The following CTSE variants were observed in gnomAD, a reference collection of about 807,000 sequenced individuals.
The protein encoded by CTSE is cathepsin E, also known as erythrocyte membrane aspartic proteinase.
CTSE carries 43 observed loss-of-function variants against 42.8 expected under a neutral mutation model. That is an observed-to-expected ratio of 1.01 (90% CI 0.79 to 1.30). CTSE has a LOEUF of 1.30. CTSE is among the 50% of genes most tolerant of loss of function. CTSE has a pLI of 0.00. For synonymous variants in CTSE, 205 were observed against 191.5 expected, an observed-to-expected ratio of 1.07 and a Z score of -0.58; for missense variants, 532 against 493.5, an observed-to-expected ratio of 1.08 and a Z score of -0.74.
At chr1:206,014,745 A>G (rs1358095637) in intron 5 of CTSE, among the ~76,000 whole-genome samples, 2 of 152,060 alleles carry the variant, frequency 1.3e-5, no homozygotes, top group Admixed American at 6.6e-5. Context: ...CCAAGCCTTG[A>G]TATTCTCCAT....
chr1:206,012,435 G>C, intron 7 of CTSE, 29 bp from the exon 8 acceptor site: 1 of 1,613,752 alleles, frequency 6.2e-7, no homozygotes, highest in Non-Finnish European at 8.5e-7. Context: ...GATCCGTTTA[G>C]AGCCTTGCCA....
chr1:206,022,398 G>A, intron 2 of CTSE, 131 bp from the exon 3 acceptor site: 1 of 612,066 alleles, frequency 1.6e-6, no homozygotes, highest in Non-Finnish European at 2.9e-6. Flanking sequence ...ACAGAGCCTA[G>A]GAAGTGGCAA....
chr1:206,022,851 C>T, intron 2 of CTSE, 50 bp downstream of exon 2: 1 of 1,501,774 alleles, frequency 6.7e-7, no homozygotes. Context: ...TAATGCTGGG[C>T]CTTCCTCCCG....
chr1:206,020,806 T>G (rs1157107467), intron 4 of CTSE, among the ~76,000 whole-genome samples: 1 of 152,036 alleles, frequency 6.6e-6, no homozygotes, highest in African/African-American at 2.4e-5. Flanking sequence ...CACCAGGCTT[T>G]GTGCACTGGG....
chr1:206,021,329 AC>A (rs1661415582), intron 3 of CTSE, 162 bp from the exon 4 acceptor site: 1 of 631,762 alleles, frequency 1.6e-6, no homozygotes, highest in African/African-American at 1.8e-5. Context: ...ATGAACAACT[AC>A]ATTTCCCTCT....
chr1:206,009,440 A>G lies in CTSE; in HGVS notation c.*743T>C, dbSNP rs1288092883. 1 of 152,104 alleles carries G rather than the reference A, an allele frequency of 6.6e-6. No individual in the cohort carries two copies. Among genetic ancestry groups the G allele is most frequent in the Admixed American group, 6.6e-5 (1 of 15,262 alleles). The allele number at this position is 152,104 out of a possible 1,614,324, so 9.4% of individuals were successfully genotyped here. On this transcript the variant is annotated 3_prime_UTR_variant, in exon 9 of 9. Transcript: ENST00000358184. ...CCACAAAATCAGACCTCCAGATCTA[A>G]CTACCATTTTATAGGAAAGATAAGT...
chr1:206,016,033 A>G lies in CTSE; in HGVS notation c.560T>C (p.Leu187Pro). The part of the protein sequence containing the change: ...VDAEFDGILG[L>P]GYPSLAVGGV... ...TCCCACAGCCAAGGAGGGGTATCCCAGGCCCAGAATTCCATCAAACTCTGC... is the reference window on the plus strand; with the variant it reads ...TCCCACAGCCAAGGAGGGGTATCCCGGGCCCAGAATTCCATCAAACTCTGC... The change falls in exon 5 of 9, where the codon CTG becomes CCG. Residue 187 changes from leucine (L) to proline (P), a missense_variant. Coordinates refer to ENST00000358184, the MANE Select transcript of CTSE (RefSeq NM_001910.4). 2.5e-6 allele frequency: 4 copies of G among 1,613,950 alleles called. No individual in the cohort carries two copies. The highest frequency in any genetic ancestry group is 3.4e-6 in the Non-Finnish European group (4 of 1,179,882).
At chr1:206,014,469 G>T (rs1553277515) in intron 5 of CTSE, among the ~76,000 whole-genome samples, 1 of 152,046 alleles carries the variant, frequency 6.6e-6, no homozygotes. Flanking sequence ...GGAGGAAAAG[G>T]ATCAGAAAGA....
chr1:206,013,718 T>C, intron 6 of CTSE, 54 bp downstream of exon 6: 1 of 1,585,960 alleles, frequency 6.3e-7, no homozygotes, highest in East Asian at 2.3e-5. Flanking sequence ...GTTTGAGTTG[T>C]GCCTCTTTTC....
At chr1:206,021,996 A>G (rs943895974) in intron 3 of CTSE, among the ~76,000 whole-genome samples, 154 bp downstream of exon 3, 3 of 152,102 alleles carry the variant, frequency 2.0e-5, no homozygotes, top group South Asian at 2.1e-4. Flanking sequence ...TGCTATAAGC[A>G]GTTCCACGGC....
intron 6 of CTSE, 52 bp from the exon 7 acceptor site, chr1:206,012,701 A>C: frequency 1.3e-6 from 2 of 1,595,052 alleles, no homozygotes; most frequent in South Asian, 2.2e-5. Flanking sequence ...GGCTCCTAGG[A>C]AACTCCCACT....
At position 206,021,061 on chromosome 1, in the gene CTSE, G is replaced by A. The variant is rs74145077; in HGVS notation, c.450C>T (p.Ala150=). Residue 150 remains alanine (A), a synonymous_variant, in exon 4 of 9, where the codon GCC becomes GCT. Transcript: ENST00000358184. ...GTGSLSGIIG[A]DQVSVEGLTV... is the part of the protein sequence containing the mutation. ...GACTTGCACTCACAGAGACTTGGTC[G>A]GCTCCAATGATCCCGGACAAGCTCC... 4.8e-3 allele frequency: 7,666 copies of A among 1,609,060 alleles called. 346 individuals carry two copies. In the African/African-American group the frequency reaches 0.092, roughly 19 times the overall value.
chr1:206,021,200 A>ATCGGC (rs782481216), intron 3 of CTSE, 33 bp from the exon 4 acceptor site: 4 of 1,523,358 alleles, frequency 2.6e-6, no homozygotes, highest in Admixed American at 1.7e-5. Flanking sequence ...TGCTTATGCC[A>ATCGGC]TCGGCTCACT....
In CTSE at chr1:206,016,195, A is replaced by T. The variant is rs782356882; in HGVS notation, c.463-65T>A. On this transcript the variant is annotated intron_variant, in intron 4 of 8. Coordinates refer to ENST00000358184, the MANE Select transcript of CTSE (RefSeq NM_001910.4). ...CAGGGGATTGCTGGCAAAGGGTTTGACTCCTGGATTTTCCTCTGTCTTGAA... is the reference window on the plus strand; with the variant it reads ...CAGGGGATTGCTGGCAAAGGGTTTGTCTCCTGGATTTTCCTCTGTCTTGAA... The T allele has an allele frequency of 3.7e-5, 55 of 1,475,402 alleles. No homozygotes were observed. The Middle Eastern group carries it at 6.8e-4, about 18-fold the overall frequency. 91.4% of individuals were successfully genotyped at this position (1,475,402 alleles called of 1,614,324 possible).
At chr1:206,011,095 G>T (rs1204282058) in intron 8 of CTSE, among the ~76,000 whole-genome samples, 1 of 151,894 alleles carries the variant, frequency 6.6e-6, no homozygotes, top group East Asian at 1.9e-4. Context: ...GAAATCTGCT[G>T]GTGGGAAAGA....
At position 206,010,265 on chromosome 1, in the gene CTSE, A is replaced by C. The variant is rs201686651; in HGVS notation, c.1109T>G (p.Leu370Arg). Residue 370 changes from leucine to arginine, a missense_variant, in exon 9 of 9, where the codon CTG (leucine) becomes CGG (arginine). Coordinates refer to ENST00000358184, the MANE Select transcript of CTSE (RefSeq NM_001910.4). The stretch of plus-strand genomic sequence containing the variant: ...AAACTGTCGAATGAAGACATCCCCC[A>C]GGATCCAGAGGGGCCCAGCTGGAGG... ...IHPPAGPLWILGDVFIRQFYS... is the reference protein window; with the variant it reads ...IHPPAGPLWIRGDVFIRQFYS... 2 of 1,613,652 alleles carry C rather than the reference A, an allele frequency of 1.2e-6. No individual in the cohort carries two copies. Among genetic ancestry groups the C allele is most frequent in the East Asian group, 4.5e-5 (2 of 44,896 alleles).
At position 206,012,597 on chromosome 1, in the gene CTSE, C is replaced by T; in HGVS notation, c.838G>A (p.Val280Met). Residue 280 changes from valine (V) to methionine (M), a missense_variant, in exon 7 of 9, where the codon GTG (valine) becomes ATG (methionine). By Grantham distance (21) the Val-to-Met change is conservative (BLOSUM62 1). Transcript: ENST00000358184. ...GTGATGAGGGAAGTCCCTGTGTCCA[C>T]AATGGCCTGGCAGCCCTCGGAGCAG... is the stretch of plus-strand genomic sequence containing the variant. ...MFCSEGCQAI[V>M]DTGTSLITGP... 6.2e-7 allele frequency: 1 copy of T among 1,613,980 alleles called. No homozygotes were observed. Among genetic ancestry groups the T allele is most frequent in the Non-Finnish European group, 8.5e-7 (1 of 1,179,906 alleles).
Position 206,022,335 on chromosome 1 carries a change from G to T in CTSE, c.226-68C>A, listed in dbSNP as rs561689404. On this transcript the variant is annotated intron_variant, in intron 2 of 8. Coordinates refer to ENST00000358184, the MANE Select transcript of CTSE (RefSeq NM_001910.4). ...GAGGGACAAGGGTGCTCACCAGGAA[G>T]CCAGGGGAAAGCTCCCAGGGGCCAG... 9.6e-5 allele frequency: 113 copies of T among 1,177,408 alleles called. No homozygotes were observed. In the Admixed American group the frequency reaches 2.2e-3, roughly 23 times the overall value. 72.9% of individuals were successfully genotyped at this position (1,177,408 alleles called of 1,614,324 possible).
chr1:206,023,820 G>GC lies in CTSE; in HGVS notation c.-30dup. The GC allele has an allele frequency of 6.2e-7, 1 of 1,609,944 alleles. No individual in the cohort carries two copies. The highest frequency in any genetic ancestry group is 8.5e-7 in the Non-Finnish European group (1 of 1,176,578). ...GAGTCCGACCAGCAGCTTCTCCCTTGCCCCCTCCTTTCTTCTCTCCCCGAG... is the reference window on the plus strand; with the variant it reads ...GAGTCCGACCAGCAGCTTCTCCCTTGCCCCCCTCCTTTCTTCTCTCCCCGAG... On this transcript the variant is annotated 5_prime_UTR_variant, in exon 1 of 9. Transcript: ENST00000358184.
Sources: allele counts gnomAD v4.1 joint callset (sites outside exome capture counted in the v4.1 genomes callset), GRCh38; gene constraint gnomAD v4.1.1; transcripts MANE v1.5; gene names NCBI Gene and HGNC (gene_info 2026-07-23, HGNC 2026-07-21).